TNRC6B: variants seen among roughly 807,000 people sequenced by gnomAD.
The protein encoded by TNRC6B is trinucleotide repeat-containing gene 6B protein.
A neutral mutation model predicts 203.6 loss-of-function variants in TNRC6B; 52 were observed. The observed-to-expected ratio is 0.26, with a 90% CI of 0.20 to 0.32. The LOEUF (loss-of-function observed/expected upper bound fraction) is 0.32, where lower values mean the gene tolerates loss of function less well. TNRC6B is among the 10% of genes least tolerant of loss of function. TNRC6B has a pLI of 1.00. For missense variants in TNRC6B, 1,923 were observed against 2,286.2 expected, an observed-to-expected ratio of 0.84 and a Z score of 3.24; for synonymous variants, 838 against 845.7, an observed-to-expected ratio of 0.99 and a Z score of 0.16.
Position 40,168,431 on chromosome 22 carries a change from G to A in TNRC6B, c.113+12249G>A, listed in dbSNP as rs374889858. The stretch of plus-strand genomic sequence containing the variant: ...GTACGAGGTGCCTTGGAACACAGAT[G>A]GGGGTACTGGACTCAGCCTGGAGTG... On this transcript the variant is annotated intron_variant, in intron 4 of 23. Transcript: ENST00000301923. Among the ~76,000 whole-genome samples, 6 of 152,288 alleles carry A rather than the reference G, an allele frequency of 3.9e-5. 1 individual carries two copies. The highest frequency in any genetic ancestry group is 1.9e-4 in the East Asian group (1 of 5,184).
At chr22:40,321,338 G>T (rs1389941539) in intron 22 of TNRC6B, 109 bp downstream of exon 22, 1 of 1,313,094 alleles carries the variant, frequency 7.6e-7, no homozygotes, top group East Asian at 2.5e-5. Flanking sequence ...ACGAAGAATG[G>T]CACCGTCACA....
At chr22:40,105,661 A>C (rs2068276953) in intron 1 of TNRC6B, among the ~76,000 whole-genome samples, 1 of 152,176 alleles carries the variant, frequency 6.6e-6, no homozygotes, top group African/African-American at 2.4e-5. Flanking sequence ...TACTTTATGA[A>C]TATACCAGTG....
At chr22:40,164,388 TA>T (rs34013375) in intron 4 of TNRC6B, among the ~76,000 whole-genome samples, 69,645 of 128,004 alleles carry the variant, frequency 0.54, 20,210 homozygotes, top group African/African-American at 0.78. Flanking sequence ...ACTCTGCCTT[TA>T]AAAAAAAAAA....
At chr22:40,059,761 C>T (rs2067831347) in intron 1 of TNRC6B, among the ~76,000 whole-genome samples, 1 of 149,556 alleles carries the variant, frequency 6.7e-6, no homozygotes, top group South Asian at 2.1e-4. Context: ...GACTTTTGAA[C>T]ATTAAACAAC....
intron 13 of TNRC6B, 110 bp from the exon 14 acceptor site, chr22:40,300,800 G>A: frequency 4.8e-6 from 6 of 1,243,850 alleles, no homozygotes; most frequent in Non-Finnish European, 6.7e-6. Context: ...CTTCCCTCCT[G>A]GATACTTTTG....
intron 1 of TNRC6B, among the ~76,000 whole-genome samples, chr22:40,240,029 C>T (rs1017000335): frequency 1.3e-5 from 2 of 151,926 alleles, no homozygotes; most frequent in African/African-American, 2.4e-5. Context: ...GATGGGGTTT[C>T]GCCATGTTGG....
chr22:40,231,125 A>C (rs1035049540), intron 1 of TNRC6B, among the ~76,000 whole-genome samples: 1 of 152,126 alleles, frequency 6.6e-6, no homozygotes, highest in Non-Finnish European at 1.5e-5. Flanking sequence ...TAGAAAAATA[A>C]GACAGTACCA....
chr22:40,313,483 CA>C (rs2146567062), intron 19 of TNRC6B, among the ~76,000 whole-genome samples: 1 of 151,530 alleles, frequency 6.6e-6, no homozygotes, highest in East Asian at 1.9e-4. Context: ...GTAAGTTCCT[CA>C]TGGTTTTTTA....
At chr22:40,085,851 T>C (rs1019928328) in intron 1 of TNRC6B, among the ~76,000 whole-genome samples, 12 of 72,534 alleles carry the variant, frequency 1.7e-4, no homozygotes, top group South Asian at 8.3e-4. Context: ...GTTGTTGCTG[T>C]TGTTGTTGTT....
Position 40,266,255 on chromosome 22 carries a change from A to G in TNRC6B, c.2025A>G (p.Gln675=), listed in dbSNP as rs1312967575. Residue 675 remains glutamine (Q), a synonymous_variant, in exon 5 of 23, where the codon CAA becomes CAG. Transcript: ENST00000454349. ...GWGDAPSQSN[Q]MKSGWGELSA... is the part of the protein sequence containing the mutation. ...GAGATGCACCCAGCCAAAGCAATCAAATGAAGTCTGGATGGGGGGAGCTCT... is the reference window on the plus strand; with the variant it reads ...GAGATGCACCCAGCCAAAGCAATCAGATGAAGTCTGGATGGGGGGAGCTCT... The G allele has an allele frequency of 3.8e-6, 6 of 1,597,750 alleles. No homozygotes were observed. Among genetic ancestry groups the G allele is most frequent in the Non-Finnish European group, 3.4e-6 (4 of 1,171,752 alleles).
chr22:40,321,310 A>G, intron 22 of TNRC6B, 81 bp downstream of exon 22: 1 of 1,495,902 alleles, frequency 6.7e-7, no homozygotes, highest in African/African-American at 1.4e-5. Flanking sequence ...GCTGAATTAA[A>G]GATGCACCAG....
At chr22:40,263,803 C>T (rs908894463) in intron 4 of TNRC6B, among the ~76,000 whole-genome samples, 4 of 152,198 alleles carry the variant, frequency 2.6e-5, no homozygotes, top group Admixed American at 1.3e-4. Flanking sequence ...ACCCTGGGCA[C>T]CTAGCTCAGT....
At chr22:40,315,569 G>C (rs1299564871) in intron 20 of TNRC6B, 62 bp downstream of exon 20, 1 of 1,533,900 alleles carries the variant, frequency 6.5e-7, no homozygotes, top group East Asian at 2.3e-5. Context: ...TGTTAACACA[G>C]ATGGTGAAGA....
intron 3 of TNRC6B, among the ~76,000 whole-genome samples, chr22:40,132,489 CGAGGCGAGGGCG>C (rs1568992708): frequency 6.8e-6 from 1 of 148,058 alleles, no homozygotes; most frequent in Admixed American, 6.7e-5. Context: ...TCAATAAAGG[CGAGGCGAGGGCG>C]AGGGCGAGGG....
At chr22:40,295,442 C>G (rs978476155) in intron 12 of TNRC6B, among the ~76,000 whole-genome samples, 1 of 149,328 alleles carries the variant, frequency 6.7e-6, no homozygotes, top group Non-Finnish European at 1.5e-5. Context: ...CCATTGCACT[C>G]CAGCCTGGGC....
At chr22:40,203,453 A>G (rs879380371) in intron 1 of TNRC6B, among the ~76,000 whole-genome samples, 1 of 152,106 alleles carries the variant, frequency 6.6e-6, no homozygotes, top group Non-Finnish European at 1.5e-5. Context: ...TAAAAATGCA[A>G]AAATGTACAA....
chr22:40,257,072 C>T (rs2146486565), intron 3 of TNRC6B, among the ~76,000 whole-genome samples: 1 of 152,310 alleles, frequency 6.6e-6, no homozygotes, highest in East Asian at 1.9e-4. Flanking sequence ...CACTGCATGT[C>T]ATCAGATTTA....
Position 40,279,983 on chromosome 22 carries a change from G to A in TNRC6B, c.3263-12G>A. 1 of 1,613,680 alleles carries A rather than the reference G, an allele frequency of 6.2e-7. No individual in the cohort carries two copies. The highest frequency in any genetic ancestry group is 2.2e-5 in the East Asian group (1 of 44,882). ...TTCTGGAAATTTTCACTCTGTGTAT[G>A]CTACTTTTCAGGAAGCCTTTCAGAT... is the stretch of plus-strand genomic sequence containing the variant. On this transcript the variant is annotated splice_polypyrimidine_tract_variant and intron_variant, in intron 9 of 22. Transcript: ENST00000454349.
intron 1 of TNRC6B, among the ~76,000 whole-genome samples, chr22:40,237,122 G>GCACA (rs2069958868): frequency 6.6e-6 from 1 of 152,206 alleles, no homozygotes; most frequent in African/African-American, 2.4e-5. Flanking sequence ...CTGAGATTGT[G>GCACA]CCACTGCACT....
Sources: allele counts gnomAD v4.1 joint callset (sites outside exome capture counted in the v4.1 genomes callset), GRCh38; gene constraint gnomAD v4.1.1; transcripts MANE v1.5; gene names NCBI Gene and HGNC (gene_info 2026-07-23, HGNC 2026-07-21).